The following SERPINB6 variants were observed in gnomAD, a reference collection of about 807,000 sequenced individuals.
SERPINB6 encodes serpin family B member 6.
Under a neutral mutation model 26.1 loss-of-function variants are expected in SERPINB6, and 16 were observed. The observed-to-expected ratio is 0.61, with a 90% confidence interval of 0.42 to 0.93. The LOEUF (loss-of-function observed/expected upper bound fraction) is 0.93. Ranked by LOEUF, SERPINB6 falls within the 40% of genes least tolerant of loss-of-function variation. SERPINB6 has a pLI of 0.00. For missense variants in SERPINB6, 420 were observed against 478.0 expected, an observed-to-expected ratio of 0.88 and a Z score of 1.13; for synonymous variants, 174 against 176.6, an observed-to-expected ratio of 0.99 and a Z score of 0.11.
At chr6:2,949,981 T>G (rs781326291) in intron 5 of SERPINB6, among the ~76,000 whole-genome samples, 13 of 152,158 alleles carry the variant, frequency 8.5e-5, no homozygotes, top group Non-Finnish European at 1.8e-4. Flanking sequence ...CTTTACGGTC[T>G]TTGTTCAAAA....
intron 1 of SERPINB6, chr6:2,961,197 G>A (rs900653486): frequency 6.6e-6 from 1 of 152,322 alleles, no homozygotes; most frequent in East Asian, 1.9e-4. Flanking sequence ...GATAAAGCTT[G>A]TTTGCTGTGC....
intron 2 of SERPINB6, 100 bp downstream of exon 2, chr6:2,959,068 C>T: frequency 6.7e-7 from 1 of 1,495,640 alleles, no homozygotes. Context: ...CCCTGCAATA[C>T]TGCACAGTCA....
chr6:2,959,390 G>T, intron 1 of SERPINB6, 48 bp from the exon 2 acceptor site: 1 of 1,593,076 alleles, frequency 6.3e-7, no homozygotes, highest in African/African-American at 1.3e-5. Context: ...GCTTCCACGC[G>T]ACTGCATCTC....
chr6:2,955,551 A>G lies in SERPINB6; in HGVS notation c.285T>C (p.Phe95=), dbSNP rs1770365247. Residue 95 remains phenylalanine (F), a synonymous_variant, in exon 3 of 7, where the codon TTT becomes TTC. Transcript: ENST00000380539. ...QYLLRMANRL[F]GEKSCDFLSS... Reference sequence around the variant, plus strand: ...AGAGGAAATCACAAGACTTTTCCCCAAAGAGCCTGTTGGCCATCCTAAGCA... The same window carrying G: ...AGAGGAAATCACAAGACTTTTCCCCGAAGAGCCTGTTGGCCATCCTAAGCA... 6.2e-7 allele frequency: 1 copy of G among 1,614,128 alleles called. No homozygotes were observed. Among genetic ancestry groups the G allele is most frequent in the Admixed American group, 1.7e-5 (1 of 60,014 alleles).
intron 1 of SERPINB6, chr6:2,968,519 T>C (rs1453921512): frequency 8.7e-7 from 1 of 1,146,550 alleles, no homozygotes; most frequent in Admixed American, 4.7e-5. Context: ...CCTTATTCCC[T>C]CATTTACACT....
chr6:2,952,033 C>G (rs998191201), intron 5 of SERPINB6, among the ~76,000 whole-genome samples: 2 of 152,224 alleles, frequency 1.3e-5, no homozygotes, highest in Non-Finnish European at 2.9e-5. Flanking sequence ...CAGCCCAGGT[C>G]TCACCTGCCT....
chr6:2,968,357 C>T (rs977533266), intron 1 of SERPINB6: 2 of 391,222 alleles, frequency 5.1e-6, no homozygotes, highest in African/African-American at 2.2e-5. Context: ...GGGTACTAGG[C>T]TTAGTACCTG....
intron 1 of SERPINB6, chr6:2,962,081 T>A (rs1771178169): frequency 1.0e-6 from 1 of 985,174 alleles, no homozygotes; most frequent in Admixed American, 6.2e-5. Context: ...AATAAAACAC[T>A]CCGTCTCCGG....
At chr6:2,949,721 G>T (rs969491998) in intron 5 of SERPINB6, among the ~76,000 whole-genome samples, 7 of 152,206 alleles carry the variant, frequency 4.6e-5, no homozygotes, top group African/African-American at 1.7e-4. Context: ...GAGGGGCCCG[G>T]TAGAACCTAA....
chr6:2,959,086 C>T (rs988391808), intron 2 of SERPINB6, 82 bp downstream of exon 2: 8 of 1,568,192 alleles, frequency 5.1e-6, no homozygotes, highest in Middle Eastern at 1.9e-4. Flanking sequence ...TCATCCGTCT[C>T]GAGCGATCCC....
chr6:2,958,667 C>T (rs1219893835), intron 2 of SERPINB6, among the ~76,000 whole-genome samples: 1 of 152,164 alleles, frequency 6.6e-6, no homozygotes, highest in Admixed American at 6.6e-5. Flanking sequence ...GGTGCAGAAG[C>T]ACCACTCAAT....
At position 2,970,724 on chromosome 6, in the gene SERPINB6, C is replaced by A. The variant is rs78441152; in HGVS notation, c.-11+809G>T. 3.3e-3 allele frequency: 3,560 copies of A among 1,070,510 alleles called. No homozygotes were observed. The highest frequency in any genetic ancestry group is 0.016 in the Admixed American group (274 of 17,224). 66.3% of individuals were successfully genotyped at this position (1,070,510 alleles called of 1,614,324 possible). A position where few individuals can be genotyped will look rare whatever the true frequency, so the allele number is the denominator to read the frequency against. Reference sequence around the variant, plus strand: ...AGTTTTCCGAAGCCAATCTTTAGGACAAAAAAAAAAAAAAAAAAAAGGAAG... The same window carrying A: ...AGTTTTCCGAAGCCAATCTTTAGGAAAAAAAAAAAAAAAAAAAAAAGGAAG... On this transcript the variant is annotated intron_variant, in intron 1 of 6. Transcript: ENST00000380539.
chr6:2,955,893 A>G lies in SERPINB6; in HGVS notation c.166-223T>C, dbSNP rs143345576. ...GGAGTTCGAGATCAGCCTGGCCAAC[A>G]TGGCAAAACCCCATCTCTACTAAAC... On this transcript the variant is annotated intron_variant, in intron 2 of 6. Coordinates refer to ENST00000380539, the MANE Select transcript of SERPINB6 (RefSeq NM_004568.6). The G allele has an allele frequency of 2.5e-4, 124 of 496,620 alleles. 1 individual carries two copies. Among genetic ancestry groups the G allele is most frequent in the African/African-American group, 1.5e-3 (77 of 51,436 alleles). 30.8% of individuals were successfully genotyped at this position (496,620 alleles called of 1,614,324 possible).
chr6:2,969,340 CCTT>C (rs1369334601), intron 1 of SERPINB6: 1 of 984,572 alleles, frequency 1.0e-6, no homozygotes, highest in African/African-American at 1.7e-5. Flanking sequence ...AGCTAAGTGT[CCTT>C]CATATATATA....
chr6:2,968,389 A>C, intron 1 of SERPINB6: 1 of 683,644 alleles, frequency 1.5e-6, no homozygotes, highest in Non-Finnish European at 1.8e-6. Context: ...AACCTGCACA[A>C]CAACCTGCGA....
intron 1 of SERPINB6, among the ~76,000 whole-genome samples, chr6:2,962,947 A>G (rs1771276154): frequency 6.6e-6 from 1 of 152,202 alleles, no homozygotes; most frequent in Non-Finnish European, 1.5e-5. Context: ...AGATAAAAAT[A>G]TCTGTCGTCC....
In SERPINB6 at chr6:2,953,108, C is replaced by A; in HGVS notation, c.509G>T (p.Arg170Ile). 1.2e-6 allele frequency: 2 copies of A among 1,614,232 alleles called. No individual in the cohort carries two copies. Among genetic ancestry groups the A allele is most frequent in the Non-Finnish European group, 1.7e-6 (2 of 1,180,036 alleles). Residue 170 changes from arginine (R) to isoleucine (I), a missense_variant, in exon 5 of 7, where the codon AGA becomes ATA. Coordinates refer to ENST00000380539, the MANE Select transcript of SERPINB6 (RefSeq NM_004568.6). ...GTCAAACTGTTCATCCCAGTTTCCT[C>A]TGAAATAGACAGCATTCACCAGAAC... The part of the protein sequence containing the change: ...RLVLVNAVYF[R>I]GNWDEQFDKE...
rs3799196 is a variant in SERPINB6, at chr6:2,968,811, T to C, written c.-11+2722A>G. 20,536 of 1,231,620 alleles carry C rather than the reference T, an allele frequency of 0.017. 241 individuals are homozygous for C. The highest frequency in any genetic ancestry group is 0.057 in the South Asian group (1,391 of 24,318). The allele number at this position is 1,231,620 out of a possible 1,614,324, so 76.3% of individuals were successfully genotyped here. A position where few individuals can be genotyped will look rare whatever the true frequency, so the allele number is the denominator to read the frequency against. On this transcript the variant is annotated intron_variant, in intron 1 of 6. Transcript: ENST00000380539. ...AAGTTCTGTTTACATGGACAGGACA[T>C]GTCAGCTGGGAGCTTCACTGCAGTG...
intron 3 of SERPINB6, 166 bp downstream of exon 3, chr6:2,955,358 C>T: frequency 2.6e-6 from 2 of 775,372 alleles, no homozygotes; most frequent in African/African-American, 3.5e-5. Context: ...GTAGATCCAC[C>T]TTATTGAAAT....
Sources: gnomAD v4.1 joint callset for allele counts (sites outside exome capture counted in the v4.1 genomes callset) on GRCh38, gnomAD v4.1.1 for gene constraint, MANE v1.5 for transcripts, NCBI Gene and HGNC (gene_info 2026-07-23, HGNC 2026-07-21) for gene names.